The following DNAH10 variants were observed in gnomAD, a reference collection of about 807,000 sequenced individuals.
DNAH10 encodes the protein dynein axonemal heavy chain 10, also known as axonemal beta dynein heavy chain 10.
DNAH10 carries 348 observed loss-of-function variants against 506.6 expected under a neutral mutation model. The observed-to-expected ratio is 0.69, with a 90% CI of 0.63 to 0.75. DNAH10 has a LOEUF of 0.75. DNAH10 is among the 30% of genes least tolerant of loss of function. The pLI is 0.00. For missense variants in DNAH10, 5,179 were observed against 5,787.1 expected (o/e 0.89, Z 3.41); for synonymous variants, 2,059 against 2,198.6 (o/e 0.94, Z 1.78).
intron 36 of DNAH10, among the ~76,000 whole-genome samples, chr12:123,856,770 TA>T (rs1302697630): frequency 2.0e-5 from 3 of 147,612 alleles, no homozygotes; most frequent in Middle Eastern, 3.6e-3. Flanking sequence ...AAATAAAAAA[TA>T]AAATTATATA....
intron 34 of DNAH10, among the ~76,000 whole-genome samples, chr12:123,849,435 C>T (rs147803079): frequency 6.6e-6 from 1 of 152,124 alleles, no homozygotes; most frequent in Non-Finnish European, 1.5e-5. Flanking sequence ...TAAATTACAC[C>T]AGATTAAGCT....
chr12:123,795,470 T>C (rs896358836), intron 12 of DNAH10, among the ~76,000 whole-genome samples: 1 of 152,216 alleles, frequency 6.6e-6, no homozygotes, highest in African/African-American at 2.4e-5. Flanking sequence ...CCCCAAATTC[T>C]AGAAGTTCCT....
At chr12:123,820,491 T>C in intron 23 of DNAH10, 89 bp from the exon 24 acceptor site, 1 of 1,314,924 alleles carries the variant, frequency 7.6e-7, no homozygotes, top group Non-Finnish European at 1.0e-6. Flanking sequence ...GATGAAATTA[T>C]AATTGAGATA....
chr12:123,893,615 C>T (rs944010780), intron 53 of DNAH10, among the ~76,000 whole-genome samples, 179 bp downstream of exon 53: 1 of 152,228 alleles, frequency 6.6e-6, no homozygotes, highest in African/African-American at 2.4e-5. Context: ...TGCCAGTGGG[C>T]GTGAGTGATG....
intron 25 of DNAH10, among the ~76,000 whole-genome samples, chr12:123,829,813 C>T (rs1468581863): frequency 1.4e-5 from 2 of 144,658 alleles, no homozygotes; most frequent in East Asian, 3.8e-4. Flanking sequence ...AGCTGCCTTA[C>T]TCACACCCAT....
At chr12:123,923,193 C>T (rs900966294) in intron 65 of DNAH10, 3 of 152,230 alleles carry the variant, frequency 2.0e-5, no homozygotes, top group Admixed American at 6.5e-5. Context: ...CCCTAGCCAG[C>T]ATCCAAATCT....
intron 36 of DNAH10, among the ~76,000 whole-genome samples, chr12:123,856,346 A>G (rs1190994299): frequency 6.7e-6 from 1 of 149,380 alleles, no homozygotes; most frequent in Non-Finnish European, 1.5e-5. Context: ...CTATCTATCT[A>G]TCTTTTTTTC....
chr12:123,765,596 CTATA>C (rs1337494090), intron 1 of DNAH10, among the ~76,000 whole-genome samples: 1 of 150,940 alleles, frequency 6.6e-6, no homozygotes, highest in Non-Finnish European at 1.5e-5. Context: ...ATCTATCTAT[CTATA>C]CATACCTCTA....
rs1405661088 is a variant in DNAH10 at position 123,787,474 on chromosome 12, T to C, written c.1422-330T>C. 6.6e-6 allele frequency among the ~76,000 whole-genome samples: 1 copy of C among 152,254 alleles called. No homozygotes were observed. The highest frequency in any genetic ancestry group is 1.5e-5 in the Non-Finnish European group (1 of 68,044). On this transcript the variant is annotated intron_variant, in intron 9 of 78. Transcript: ENST00000673944. This position sits in a 1 kb window ranked among gnomAD's most constrained non-coding sequence, Gnocchi z 4.6. ...GAAGTAGGTACCCAAATGGAGGCATTGTCCTGCGCCGTGTTGCAGCTGCCG... is the reference window on the plus strand; with the variant it reads ...GAAGTAGGTACCCAAATGGAGGCATCGTCCTGCGCCGTGTTGCAGCTGCCG...
At position 123,819,340 on chromosome 12, in the gene DNAH10, G is replaced by A. The variant is rs1435852161; in HGVS notation, c.4000+90G>A. The A allele has an allele frequency of 3.1e-5, 28 of 897,460 alleles. No individual in the cohort carries two copies. The South Asian group carries it at 3.8e-4, about 12-fold the overall frequency. 55.6% of individuals were successfully genotyped at this position (897,460 alleles called of 1,614,324 possible). A position where few individuals can be genotyped will look rare whatever the true frequency, so the allele number is the denominator to read the frequency against. ...TAAGAGTTTTATGGCAAGTGATGAT[G>A]GTGCCGTGATTAAAATATTTATTTC... is the stretch of plus-strand genomic sequence containing the variant. On this transcript the variant is annotated intron_variant, in intron 23 of 78. Coordinates refer to ENST00000673944, the MANE Select transcript of DNAH10 (RefSeq NM_001372106.1).
chr12:123,771,761 C>T, intron 3 of DNAH10, 63 bp downstream of exon 3: 1 of 1,356,366 alleles, frequency 7.4e-7, no homozygotes, highest in Middle Eastern at 1.8e-4. Flanking sequence ...CTCTAGGATT[C>T]AGGGTAACTG....
At position 123,925,147 on chromosome 12, in the gene DNAH10, G is replaced by T. The variant is rs145617767; in HGVS notation, c.11864G>T (p.Arg3955Leu). 3 of 1,613,960 alleles carry T rather than the reference G, an allele frequency of 1.9e-6. No homozygotes were observed. Among genetic ancestry groups the T allele is most frequent in the Non-Finnish European group, 2.5e-6 (3 of 1,179,894 alleles). ...AAGTTGCTTATTTTGCGCTGTTTCC[G>T]TGTGGATCGGGTCTATCGGGCCGTG... ...FQKLLILRCFRVDRVYRAVTD... is the reference protein window; with the variant it reads ...FQKLLILRCFLVDRVYRAVTD... Residue 3955 changes from arginine to leucine, a missense_variant, in exon 68 of 79, where the codon CGT becomes CTT. Physicochemically the swap from Arg to Leu is moderately radical, Grantham distance 102 (BLOSUM62 -2). This residue lies in a region of DNAH10 where 4,844 missense variants were observed against 5,430.5 expected (regional missense o/e 0.89). Coordinates refer to ENST00000673944, the MANE Select transcript of DNAH10 (RefSeq NM_001372106.1). The surrounding 1 kb of genome is among the most constrained non-coding windows in gnomAD (Gnocchi z 4.0).
At chr12:123,795,020 T>C (rs1367799371) in intron 12 of DNAH10, among the ~76,000 whole-genome samples, 1 of 150,674 alleles carries the variant, frequency 6.6e-6, no homozygotes, top group East Asian at 1.9e-4. Context: ...GTGGTGGTGG[T>C]GTCTGTAATC....
At chr12:123,780,462 A>G (rs1957604786) in intron 5 of DNAH10, among the ~76,000 whole-genome samples, 1 of 150,962 alleles carries the variant, frequency 6.6e-6, no homozygotes, top group South Asian at 2.1e-4. Context: ...CACCGCAGCC[A>G]GCTCCCTGTG....
Position 123,850,558 on chromosome 12 carries a change from G to A in DNAH10, c.6103-330G>A, listed in dbSNP as rs1432801575. Among the ~76,000 whole-genome samples, 1 of 152,156 alleles carries A rather than the reference G, an allele frequency of 6.6e-6. No homozygotes were observed. Among genetic ancestry groups the A allele is most frequent in the Non-Finnish European group, 1.5e-5 (1 of 68,036 alleles). Reference sequence around the variant, plus strand: ...TCTGTTGTGCAGAAAAATAAACTGAGACTCAGAGAGGTTAAGTGACCTGCT... The same window carrying A: ...TCTGTTGTGCAGAAAAATAAACTGAAACTCAGAGAGGTTAAGTGACCTGCT... On this transcript the variant is annotated intron_variant, in intron 34 of 78. Coordinates refer to ENST00000673944, the MANE Select transcript of DNAH10 (RefSeq NM_001372106.1). This position sits in a 1 kb window ranked among gnomAD's most constrained non-coding sequence, Gnocchi z 5.5.
In DNAH10 at chr12:123,848,796, C is replaced by A; in HGVS notation, c.6016C>A (p.Arg2006=). Residue 2006 remains arginine, a synonymous_variant, in exon 34 of 79, where the codon CGA becomes AGA. Transcript: ENST00000673944. ...GAWGCFDEFN[R]IDASVLSVIS... is the part of the protein sequence containing the mutation. ...TTGGGGCTGCTTTGATGAGTTTAATCGAATCGATGCTTCTGTGCTCTCCGT... is the reference window on the plus strand; with the variant it reads ...TTGGGGCTGCTTTGATGAGTTTAATAGAATCGATGCTTCTGTGCTCTCCGT... 1 of 1,613,852 alleles carries A rather than the reference C, an allele frequency of 6.2e-7. No homozygotes were observed. The highest frequency in any genetic ancestry group is 2.2e-5 in the East Asian group (1 of 44,882).
chr12:123,879,213 G>A (rs1176775682), intron 48 of DNAH10, 51 bp from the exon 49 acceptor site: 2 of 1,492,258 alleles, frequency 1.3e-6, no homozygotes, highest in Non-Finnish European at 1.8e-6. Context: ...CGTCAGCCCT[G>A]GTATCCTTCA....
intron 2 of DNAH10, among the ~76,000 whole-genome samples, 169 bp from the exon 3 acceptor site, chr12:123,771,432 A>G (rs367945684): frequency 2.0e-5 from 3 of 152,226 alleles, no homozygotes; most frequent in East Asian, 1.9e-4. Context: ...GTCAATTACA[A>G]TGTGAGTCAA....
chr12:123,915,379 C>T (rs1954429712), intron 62 of DNAH10, among the ~76,000 whole-genome samples: 2 of 152,192 alleles, frequency 1.3e-5, no homozygotes, highest in Admixed American at 1.3e-4. Context: ...TCACATACCA[C>T]ACCTTTCCCC....
Sources: allele counts gnomAD v4.1 joint callset (sites outside exome capture counted in the v4.1 genomes callset), GRCh38; gene constraint gnomAD v4.1.1; regional missense constraint gnomAD v4.1.1; non-coding constraint Gnocchi (gnomAD v3.1); transcripts MANE v1.5; gene names NCBI Gene and HGNC (gene_info 2026-07-23, HGNC 2026-07-21).